Variants in NGDN observed in about 807,000 individuals in gnomAD.
NGDN encodes the protein EIF4E-binding protein.
NGDN carries 41 observed loss-of-function variants against 45.2 expected under a neutral mutation model. The ratio of observed to expected loss-of-function variants is 0.91; its 90% CI spans 0.71 to 1.18. The LOEUF (loss-of-function observed/expected upper bound fraction) is 1.18, where lower values mean the gene tolerates loss of function less well. Among genes scored for constraint, NGDN ranks in the 50% most tolerant of loss-of-function variants. NGDN has a pLI of 0.00. For missense variants in NGDN, 402 were observed against 399.9 expected, an observed-to-expected ratio of 1.01 and a Z score of -0.05; for synonymous variants, 137 against 130.9, an observed-to-expected ratio of 1.05 and a Z score of -0.32.
chr14:23,471,319 G>A (rs1167459832), intron 3 of NGDN: 3 of 226,536 alleles, frequency 1.3e-5, no homozygotes, highest in South Asian at 1.7e-4. Flanking sequence ...AAGGCACAAA[G>A]GCCTGAAAGT....
chr14:23,478,823 A>AAC (rs1375458832), downstream of NGDN: 2 of 150,936 alleles, frequency 1.3e-5, no homozygotes, highest in East Asian at 1.9e-4. Context: ...AAAAAAAAAA[A>AAC]AAATGCCAGC....
Position 23,475,327 on chromosome 14 carries a change from C to G in NGDN, c.282+19C>G. 6.3e-7 allele frequency: 1 copy of G among 1,599,334 alleles called. No individual in the cohort carries two copies. Among genetic ancestry groups the G allele is most frequent in the Non-Finnish European group, 8.5e-7 (1 of 1,173,678 alleles). Reference sequence around the variant, plus strand: ...TCGCACGGTATGAAGCATTTGGCTTCTTGGAGTTTTAGGTTTCTAAATTTT... The same window carrying G: ...TCGCACGGTATGAAGCATTTGGCTTGTTGGAGTTTTAGGTTTCTAAATTTT... On this transcript the variant is annotated intron_variant, in intron 4 of 10. Coordinates refer to ENST00000408901, the MANE Select transcript of NGDN (RefSeq NM_001042635.2).
chr14:23,478,724 TCTGACC>T, downstream of NGDN: 1 of 52,910 alleles, frequency 1.9e-5, no homozygotes, highest in African/African-American at 6.2e-5. Context: ...TTTTTCAGAC[TCTGACC>T]CCCACCCCCC....
At chr14:23,477,884 T>C in intron 10 of NGDN, 123 bp from the exon 11 acceptor site, 1 of 1,574,932 alleles carries the variant, frequency 6.3e-7, no homozygotes, top group South Asian at 1.2e-5. Flanking sequence ...CCTGGGAAGA[T>C]ATTCAGGGTA....
intron 10 of NGDN, chr14:23,477,803 A>G (rs1199589799): frequency 6.9e-7 from 1 of 1,459,212 alleles, no homozygotes; most frequent in Admixed American, 2.8e-5. Context: ...TTCCCTAAAT[A>G]GAACTGGTAA....
intron 8 of NGDN, 99 bp from the exon 9 acceptor site, chr14:23,477,101 C>T: frequency 8.9e-7 from 1 of 1,124,884 alleles, no homozygotes; most frequent in Non-Finnish European, 1.3e-6. Flanking sequence ...CTTGAGAACT[C>T]CCTGAACAAG....
intron 6 of NGDN, 101 bp from the exon 7 acceptor site, chr14:23,475,928 C>CT (rs1893891021): frequency 6.6e-7 from 1 of 1,512,736 alleles, no homozygotes; most frequent in African/African-American, 1.4e-5. Flanking sequence ...CCTTTTTTCC[C>CT]TTTTTATATT....
In NGDN at chr14:23,476,154, T is replaced by C. The variant is rs769370205; in HGVS notation, c.544+2T>C. The stretch of plus-strand genomic sequence containing the variant: ...CACGCTTGGTTCCAGTACATTATGG[T>C]ATAAACTTTGGCTGCTGCCTCCTCA... On this transcript the variant is annotated splice_donor_variant, in intron 7 of 10. Transcript: ENST00000408901. LOFTEE classifies it high-confidence loss of function. 9.9e-6 allele frequency: 16 copies of C among 1,614,208 alleles called. No individual in the cohort carries two copies. The highest frequency in any genetic ancestry group is 1.3e-5 in the Non-Finnish European group (15 of 1,180,024).
At chr14:23,469,963 T>C in intron 1 of NGDN, 79 bp from the exon 2 acceptor site, 1 of 1,487,520 alleles carries the variant, frequency 6.7e-7, no homozygotes, top group Middle Eastern at 1.8e-4. Context: ...AGAGGGCAGT[T>C]TCCCACCCTA....
At chr14:23,475,412 A>G (rs559379616) in intron 4 of NGDN, 104 bp downstream of exon 4, 2 of 1,384,258 alleles carry the variant, frequency 1.4e-6, no homozygotes, top group South Asian at 2.6e-5. Flanking sequence ...TGTTTAAGGA[A>G]ACCAAATGAG....
rs759532669 is a variant in NGDN, at chr14:23,476,402, A to G, written c.708A>G (p.Gln236=). 1.2e-6 allele frequency: 2 copies of G among 1,610,892 alleles called. No individual in the cohort carries two copies. Among genetic ancestry groups the G allele is most frequent in the Admixed American group, 1.7e-5 (1 of 59,988 alleles). The change falls in exon 8 of 11, where the codon CAA becomes CAG. Residue 236 remains glutamine (Q), a synonymous_variant. Coordinates refer to ENST00000408901, the MANE Select transcript of NGDN (RefSeq NM_001042635.2). ...TTACCCGCCAGAGTCAGGAGGACCA[A>G]CACAGGTCTGAGCCCTTGCATTAGA... is the stretch of plus-strand genomic sequence containing the variant. ...PHVTRQSQED[Q]HRINYEESMM...
chr14:23,470,396 C>T (rs1034961325), intron 2 of NGDN: 1 of 347,036 alleles, frequency 2.9e-6, no homozygotes, highest in Non-Finnish European at 5.2e-6. Flanking sequence ...GTAATACACA[C>T]TTATATACAG....
chr14:23,471,446 A>G (rs990704642), intron 3 of NGDN: 1 of 153,660 alleles, frequency 6.5e-6, no homozygotes, highest in Admixed American at 6.5e-5. Context: ...CTGTAGGCCA[A>G]CTGAGGAGTT....
chr14:23,472,267 G>A lies in NGDN; in HGVS notation c.144+1290G>A, dbSNP rs1004823303. Among the ~76,000 whole-genome samples, 9 of 151,576 alleles carry A rather than the reference G, an allele frequency of 5.9e-5. No homozygotes were observed. The East Asian group carries it at 7.7e-4, about 13-fold the overall frequency. On this transcript the variant is annotated intron_variant, in intron 3 of 10. Coordinates refer to ENST00000408901, the MANE Select transcript of NGDN (RefSeq NM_001042635.2). Reference sequence around the variant, plus strand: ...TTCCAGCACTTTGGGAGATTGTGGCGGATGGATCACCTGAGGTCAGGAGTT... The same window carrying A: ...TTCCAGCACTTTGGGAGATTGTGGCAGATGGATCACCTGAGGTCAGGAGTT...
At chr14:23,473,487 A>T (rs910404179) in intron 3 of NGDN, among the ~76,000 whole-genome samples, 6 of 152,160 alleles carry the variant, frequency 3.9e-5, no homozygotes, top group African/African-American at 1.4e-4. Flanking sequence ...TTTGGGCCTC[A>T]TAATTATTCT....
intron 3 of NGDN, among the ~76,000 whole-genome samples, chr14:23,473,076 T>C (rs1444639735): frequency 1.3e-5 from 2 of 152,216 alleles, no homozygotes; most frequent in African/African-American, 4.8e-5. Context: ...CCTGGCTCAC[T>C]GCGGCCTCTG....
At chr14:23,473,532 T>C (rs117525499) in intron 3 of NGDN, among the ~76,000 whole-genome samples, 2,075 of 152,164 alleles carry the variant, frequency 0.014, 18 homozygotes, top group Non-Finnish European at 0.019. Context: ...ATTTTACTGA[T>C]AAGACTGAGG....
At chr14:23,470,509 C>T (rs1180658021) in intron 2 of NGDN, among the ~76,000 whole-genome samples, 3 of 152,144 alleles carry the variant, frequency 2.0e-5, no homozygotes, top group Non-Finnish European at 4.4e-5. Context: ...CCCAGCATCA[C>T]GAGAAAAGGA....
intron 3 of NGDN, among the ~76,000 whole-genome samples, chr14:23,474,382 C>T (rs1192311103): frequency 1.3e-5 from 2 of 152,262 alleles, no homozygotes; most frequent in East Asian, 1.9e-4. Flanking sequence ...AGTATAATCA[C>T]CACTCTGAGA....
Sources: gnomAD v4.1 joint callset for allele counts (sites outside exome capture counted in the v4.1 genomes callset) on GRCh38, gnomAD v4.1.1 for gene constraint, MANE v1.5 for transcripts, NCBI Gene and HGNC (gene_info 2026-07-23, HGNC 2026-07-21) for gene names.